CCSER1: variants seen among roughly 807,000 people sequenced by gnomAD.
The protein encoded by CCSER1 is coiled-coil serine rich protein 1, also known as serine-rich coiled-coil domain-containing protein 1.
Under a neutral mutation model 82.0 loss-of-function variants are expected in CCSER1, and 41 were observed. The ratio of observed to expected loss-of-function variants is 0.50; its 90% CI spans 0.39 to 0.65. The LOEUF is 0.65. CCSER1 is among the 30% of genes least tolerant of loss of function. The pLI is 0.00. For synonymous variants in CCSER1, 414 were observed against 383.9 expected (o/e 1.08, Z -0.92); for missense variants, 1,119 against 1,064.2 (o/e 1.05, Z -0.72).
chr4:90,954,677 T>A (rs996650100), intron 9 of CCSER1, among the ~76,000 whole-genome samples: 1 of 152,170 alleles, frequency 6.6e-6, no homozygotes, highest in Non-Finnish European at 1.5e-5. Context: ...ATAGGAAGTA[T>A]CAATCTCTGT....
chr4:91,017,328 A>G (rs1172226751), intron 9 of CCSER1: 1 of 152,148 alleles, frequency 6.6e-6, no homozygotes, highest in East Asian at 1.9e-4. Context: ...AAACTTCACT[A>G]AAGACATTGT....
chr4:90,522,031 C>T (rs1289216895), intron 5 of CCSER1, among the ~76,000 whole-genome samples: 1 of 152,078 alleles, frequency 6.6e-6, no homozygotes, highest in Admixed American at 6.6e-5. Flanking sequence ...AACCACTCTG[C>T]CTGGATTACC....
At position 91,600,734 on chromosome 4, in the gene CCSER1, T is replaced by TATGTTG. The variant is rs1764788175; in HGVS notation, c.*1678_*1683dup. On this transcript the variant is annotated 3_prime_UTR_variant, in exon 11 of 11. Coordinates refer to ENST00000509176, the MANE Select transcript of CCSER1 (RefSeq NM_001145065.2). ...CTGATAAAGTAAGGAGTCGAGTGGA[T>TATGTTG]ATGTTGTACTTGTAATTTTGGTTTT... is the stretch of plus-strand genomic sequence containing the variant. 1 of 152,182 alleles carries TATGTTG rather than the reference T, an allele frequency of 6.6e-6. No individual in the cohort carries two copies. Among genetic ancestry groups the TATGTTG allele is most frequent in the South Asian group, 2.1e-4 (1 of 4,834 alleles). The allele number at this position is 152,182 out of a possible 1,614,324, so 9.4% of individuals were successfully genotyped here.
chr4:91,479,595 T>C (rs1757778201), intron 10 of CCSER1, among the ~76,000 whole-genome samples: 1 of 151,732 alleles, frequency 6.6e-6, no homozygotes, highest in Admixed American at 6.6e-5. Context: ...AATTTTTTAG[T>C]GACAATAATG....
chr4:91,096,780 C>T (rs960050398), intron 10 of CCSER1, among the ~76,000 whole-genome samples: 6 of 152,122 alleles, frequency 3.9e-5, no homozygotes, highest in Non-Finnish European at 8.8e-5. Flanking sequence ...ATATCATGCT[C>T]ACACCACACA....
At chr4:91,166,665 G>A (rs1306222515) in intron 10 of CCSER1, among the ~76,000 whole-genome samples, 3 of 152,008 alleles carry the variant, frequency 2.0e-5, no homozygotes, top group Non-Finnish European at 2.9e-5. Flanking sequence ...TTATTTTGTG[G>A]CAAGTCATTA....
At chr4:90,365,652 A>G (rs1384015500) in intron 3 of CCSER1, among the ~76,000 whole-genome samples, 1 of 151,872 alleles carries the variant, frequency 6.6e-6, no homozygotes, top group East Asian at 1.9e-4. Flanking sequence ...TTGAATACTT[A>G]CTATTTTGAA....
chr4:90,538,449 G>A (rs932065148), intron 5 of CCSER1, among the ~76,000 whole-genome samples: 5 of 151,734 alleles, frequency 3.3e-5, no homozygotes, highest in African/African-American at 1.2e-4. Flanking sequence ...TAGTTATATT[G>A]TTGCCATTGC....
intron 10 of CCSER1, among the ~76,000 whole-genome samples, chr4:91,465,885 C>T (rs1301730220): frequency 6.6e-6 from 1 of 152,080 alleles, no homozygotes; most frequent in East Asian, 1.9e-4. Context: ...AAAAAAAGTC[C>T]AGGACCAGAT....
At chr4:90,811,064 C>T (rs1004240579) in intron 7 of CCSER1, among the ~76,000 whole-genome samples, 1 of 152,058 alleles carries the variant, frequency 6.6e-6, no homozygotes, top group African/African-American at 2.4e-5. Context: ...GATCTCCTGT[C>T]TCCTGACGTT....
chr4:91,322,092 A>T (rs2149266055), intron 10 of CCSER1, among the ~76,000 whole-genome samples: 1 of 152,264 alleles, frequency 6.6e-6, no homozygotes, highest in South Asian at 2.1e-4. Flanking sequence ...CACTGAAAAC[A>T]GAAACATTTA....
chr4:91,085,959 T>C lies in CCSER1; in HGVS notation c.2182T>C (p.Leu728=), dbSNP rs776954191. ...TELLCYDGLN[L]KRLETVQGGR... The stretch of plus-strand genomic sequence containing the variant: ...TGCTTTTCTTTTTCAGGGTTTAAAC[T>C]TGAAAAGACTAGAGACAGTACAAGG... Residue 728 remains leucine (L), a synonymous_variant, in exon 10 of 11, where the codon TTG becomes CTG. Coordinates refer to ENST00000509176, the MANE Select transcript of CCSER1 (RefSeq NM_001145065.2). The C allele has an allele frequency of 2.0e-5, 31 of 1,525,458 alleles. No individual in the cohort carries two copies. In the African/African-American group the frequency reaches 3.9e-4, roughly 19 times the overall value. 94.5% of individuals were successfully genotyped at this position (1,525,458 alleles called of 1,614,324 possible). A position where few individuals can be genotyped will look rare whatever the true frequency, so the allele number is the denominator to read the frequency against.
chr4:91,473,930 A>C (rs2149446597), intron 10 of CCSER1, among the ~76,000 whole-genome samples: 1 of 152,222 alleles, frequency 6.6e-6, no homozygotes, highest in Non-Finnish European at 1.5e-5. Flanking sequence ...TATTCTGAAA[A>C]ACAAGTATTA....
At position 91,464,696 on chromosome 4, in the gene CCSER1, C is replaced by G. The variant is rs185339620; in HGVS notation, c.2218-133876C>G. On this transcript the variant is annotated intron_variant, in intron 10 of 10. Coordinates refer to ENST00000509176, the MANE Select transcript of CCSER1 (RefSeq NM_001145065.2). Reference sequence around the variant, plus strand: ...AATGGAAAACAAAAAAATGGCAGGACTTGCAATCCTAGTCCCTGGTAAAAC... The same window carrying G: ...AATGGAAAACAAAAAAATGGCAGGAGTTGCAATCCTAGTCCCTGGTAAAAC... 1.8e-4 allele frequency among the ~76,000 whole-genome samples: 27 copies of G among 152,092 alleles called. No individual in the cohort carries two copies. The East Asian group carries it at 5.2e-3, about 29-fold the overall frequency.
chr4:91,323,641 C>T (rs932016090), intron 10 of CCSER1, among the ~76,000 whole-genome samples: 6 of 151,994 alleles, frequency 3.9e-5, no homozygotes, highest in African/African-American at 1.2e-4. Flanking sequence ...CTATAGCAAA[C>T]AAAAAAGCAG....
At chr4:90,230,351 CA>C (rs1394474576) in intron 1 of CCSER1, among the ~76,000 whole-genome samples, 2 of 152,148 alleles carry the variant, frequency 1.3e-5, no homozygotes, top group East Asian at 3.8e-4. Flanking sequence ...GGAAACTGAA[CA>C]ACCTGCTCCT....
intron 10 of CCSER1, among the ~76,000 whole-genome samples, chr4:91,199,319 G>A (rs758246181): frequency 8.5e-5 from 13 of 152,070 alleles, no homozygotes; most frequent in African/African-American, 1.9e-4. Flanking sequence ...AGAAATGTCC[G>A]TTGCAAACAG....
rs145821528 is a variant in CCSER1, at chr4:90,557,922, G to T, written c.1725-70103G>T. Among the ~76,000 whole-genome samples the T allele has an allele frequency of 1.7e-4, 26 of 152,194 alleles. No homozygotes were observed. In the East Asian group the frequency reaches 5.0e-3, roughly 29 times the overall value. On this transcript the variant is annotated intron_variant, in intron 5 of 10. Transcript: ENST00000509176. ...ACTTAGTTTTTAAAAAGTAGATGTT[G>T]AAATACTTTTAGTTTGGTAAATATT...
chr4:90,915,654 G>A (rs1311685440), intron 8 of CCSER1, among the ~76,000 whole-genome samples: 1 of 152,146 alleles, frequency 6.6e-6, no homozygotes, highest in East Asian at 1.9e-4. Context: ...AGTGTTGGAA[G>A]TTCTGGCCAG....
Sources: allele counts gnomAD v4.1 joint callset (sites outside exome capture counted in the v4.1 genomes callset), GRCh38; gene constraint gnomAD v4.1.1; transcripts MANE v1.5; gene names NCBI Gene and HGNC (gene_info 2026-07-23, HGNC 2026-07-21).